The following TRIO variants were observed in gnomAD, a reference collection of about 807,000 sequenced individuals.
The protein encoded by TRIO is trio Rho guanine nucleotide exchange factor.
In TRIO, 58 loss-of-function variants were observed where a neutral mutation model predicts 351.9. That is an observed-to-expected ratio of 0.16 (90% CI 0.13 to 0.21). The LOEUF (loss-of-function observed/expected upper bound fraction) is 0.21. TRIO is among the 10% of genes least tolerant of loss of function. The pLI is 1.00. For missense variants in TRIO, 3,201 were observed against 4,027.8 expected, an observed-to-expected ratio of 0.79 and a Z score of 5.56; for synonymous variants, 1,758 against 1,595.7, an observed-to-expected ratio of 1.10 and a Z score of -2.42.
At chr5:14,467,990 T>A (rs1754393713) in intron 37 of TRIO, among the ~76,000 whole-genome samples, 1 of 152,224 alleles carries the variant, frequency 6.6e-6, no homozygotes, top group Non-Finnish European at 1.5e-5. Context: ...TACACGTCAG[T>A]TAAATGACCA....
intron 1 of TRIO, among the ~76,000 whole-genome samples, chr5:14,208,735 A>G (rs1487800993): frequency 6.6e-6 from 1 of 152,222 alleles, no homozygotes; most frequent in East Asian, 1.9e-4. Context: ...TCACAAGTGG[A>G]CAGTTCATCA....
At chr5:14,220,728 GC>G (rs1442072086) in intron 1 of TRIO, among the ~76,000 whole-genome samples, 1 of 152,224 alleles carries the variant, frequency 6.6e-6, no homozygotes, top group Admixed American at 6.5e-5. Context: ...CCAGAACAAG[GC>G]CTCAGCAAAT....
intron 37 of TRIO, among the ~76,000 whole-genome samples, chr5:14,469,328 G>A (rs1395350445): frequency 1.3e-5 from 2 of 152,016 alleles, no homozygotes; most frequent in African/African-American, 2.4e-5. Context: ...TTATAAGAGA[G>A]GAAAAAACTG....
Position 14,318,279 on chromosome 5 carries a change from CAAAAAAAAA to C in TRIO, c.1731+1554_1731+1562del, listed in dbSNP as rs759632595. On this transcript the variant is annotated intron_variant, in intron 9 of 56. Transcript: ENST00000344204. ...ATTGCACTCCAGCAAGACTCTATCT[CAAAAAAAAA>C]AAAAAAAAAAAAAAAAATTAGCCTG... 6.5e-3 allele frequency among the ~76,000 whole-genome samples: 302 copies of C among 46,510 alleles called. 1 individual carries two copies. The highest frequency in any genetic ancestry group is 0.021 in the African/African-American group (262 of 12,528). The allele number at this position is 46,510 out of a possible 152,430, so 30.5% of individuals were successfully genotyped here. A position where few individuals can be genotyped will look rare whatever the true frequency, so the allele number is the denominator to read the frequency against.
chr5:14,401,430 G>A (rs1319352057), intron 31 of TRIO, among the ~76,000 whole-genome samples: 2 of 152,174 alleles, frequency 1.3e-5, no homozygotes, highest in African/African-American at 4.8e-5. Flanking sequence ...GACCTGTTTC[G>A]AAAGGAAAAA....
chr5:14,349,190 GTA>G (rs780607060), intron 11 of TRIO, among the ~76,000 whole-genome samples: 21 of 146,664 alleles, frequency 1.4e-4, no homozygotes, highest in East Asian at 8.3e-4. Context: ...TTTCCTGTGT[GTA>G]TATGTGTGCA....
chr5:14,373,032 A>G (rs1745254509), intron 18 of TRIO, among the ~76,000 whole-genome samples: 1 of 152,210 alleles, frequency 6.6e-6, no homozygotes, highest in Non-Finnish European at 1.5e-5. Flanking sequence ...TGGCGCGGGA[A>G]GTAGAAGAAT....
chr5:14,360,893 G>GAA (rs920736978), intron 13 of TRIO, among the ~76,000 whole-genome samples: 18 of 152,322 alleles, frequency 1.2e-4, no homozygotes, highest in Admixed American at 1.1e-3. Flanking sequence ...GTGGCATGGT[G>GAA]AAACCTGTTC....
chr5:14,334,117 T>C lies in TRIO; in HGVS notation c.1855-2419T>C, dbSNP rs1325147904. Among the ~76,000 whole-genome samples, 6 of 152,212 alleles carry C rather than the reference T, an allele frequency of 3.9e-5. No individual in the cohort carries two copies. In the East Asian group the frequency reaches 1.2e-3, roughly 29 times the overall value. ...TGCACCCCTCTGTGCCTCGATTTCCTCGCCTGTGAAATGGGAAATCAGGTA... is the reference window on the plus strand; with the variant it reads ...TGCACCCCTCTGTGCCTCGATTTCCCCGCCTGTGAAATGGGAAATCAGGTA... On this transcript the variant is annotated intron_variant, in intron 10 of 56. Coordinates refer to ENST00000344204, the MANE Select transcript of TRIO (RefSeq NM_007118.4).
In TRIO at chr5:14,421,052, G is replaced by T. The variant is rs369123327; in HGVS notation, c.5203+1031G>T. On this transcript the variant is annotated intron_variant, in intron 34 of 56. Coordinates refer to ENST00000344204, the MANE Select transcript of TRIO (RefSeq NM_007118.4). ...TTTGTTTTTCCCTATGATACTCTCC[G>T]ATATTCTTGTACCTGGAAAGTCACT... is the stretch of plus-strand genomic sequence containing the variant. Among the ~76,000 whole-genome samples the T allele has an allele frequency of 3.9e-5, 6 of 152,018 alleles. No individual in the cohort carries two copies. The South Asian group carries it at 1.3e-3, about 32-fold the overall frequency.
At chr5:14,507,413 C>CTG (rs1757774856) in intron 56 of TRIO, among the ~76,000 whole-genome samples, 153 bp downstream of exon 56, 1 of 151,108 alleles carries the variant, frequency 6.6e-6, no homozygotes, top group South Asian at 2.1e-4. Context: ...TTGCTAATCT[C>CTG]TCTCTCTAAG....
intron 1 of TRIO, among the ~76,000 whole-genome samples, chr5:14,216,775 G>C (rs1284529796): frequency 6.6e-6 from 1 of 152,230 alleles, no homozygotes; most frequent in Non-Finnish European, 1.5e-5. Context: ...TGCCTCCAAG[G>C]GTCCTGAACC....
intron 1 of TRIO, among the ~76,000 whole-genome samples, chr5:14,207,905 C>T (rs1417053355): frequency 3.3e-5 from 5 of 152,130 alleles, no homozygotes; most frequent in Non-Finnish European, 1.5e-5. Flanking sequence ...CAAATAAACA[C>T]ATCAGAAGAT....
chr5:14,341,902 TTACA>T lies in TRIO; in HGVS notation c.2046+5176_2046+5179del, dbSNP rs1292026018. ...GCCTCTTGGTTCTAGTTCTGCAAACTTACACACTGAACTGGGACAAGTTTTTGTT... is the reference window on the plus strand; with the variant it reads ...GCCTCTTGGTTCTAGTTCTGCAAACTCACTGAACTGGGACAAGTTTTTGTT... On this transcript the variant is annotated intron_variant, in intron 11 of 56. Transcript: ENST00000344204. Among the ~76,000 whole-genome samples the T allele has an allele frequency of 4.6e-5, 7 of 152,352 alleles. No homozygotes were observed. The East Asian group carries it at 1.3e-3, about 29-fold the overall frequency.
intron 43 of TRIO, 122 bp from the exon 44 acceptor site, chr5:14,481,111 AG>A: frequency 1.0e-6 from 1 of 982,426 alleles, no homozygotes; most frequent in Non-Finnish European, 1.5e-6. Context: ...GGATCACTTG[AG>A]GCCAGGAGTT....
Position 14,384,959 on chromosome 5 carries a change from CAT to C in TRIO, c.3571-2478_3571-2477del, listed in dbSNP as rs571889197. Among the ~76,000 whole-genome samples, 25 of 152,260 alleles carry C rather than the reference CAT, an allele frequency of 1.6e-4. No homozygotes were observed. In the South Asian group the frequency reaches 4.1e-3, roughly 25 times the overall value. On this transcript the variant is annotated intron_variant, in intron 21 of 56. Transcript: ENST00000344204. ...AAGAAAATGGACAAAAGATATTAAA[CAT>C]GTGTCATAGCAAGGGAATAAATGGC...
intron 1 of TRIO, among the ~76,000 whole-genome samples, chr5:14,210,513 T>A (rs1217243844): frequency 6.6e-6 from 1 of 152,208 alleles, no homozygotes; most frequent in Non-Finnish European, 1.5e-5. Flanking sequence ...GGTCTCTCTT[T>A]TCCAGATCTG....
intron 8 of TRIO, among the ~76,000 whole-genome samples, chr5:14,305,094 T>C (rs1248150236): frequency 1.3e-5 from 2 of 152,240 alleles, no homozygotes; most frequent in Admixed American, 1.3e-4. Context: ...CAGACTGTAT[T>C]GTAAGGACTT....
chr5:14,289,459 G>A (rs942624856), intron 4 of TRIO, among the ~76,000 whole-genome samples: 3 of 152,120 alleles, frequency 2.0e-5, no homozygotes, highest in African/African-American at 7.2e-5. Flanking sequence ...GGCTTAAGAT[G>A]GGAGGATGGC....
Sources: allele counts gnomAD v4.1 joint callset (sites outside exome capture counted in the v4.1 genomes callset), GRCh38; gene constraint gnomAD v4.1.1; transcripts MANE v1.5; gene names NCBI Gene and HGNC (gene_info 2026-07-23, HGNC 2026-07-21).